GRM7: variants seen among roughly 807,000 people sequenced by gnomAD.
The protein encoded by GRM7 is glutamate metabotropic receptor 7, also known as metabotropic glutamate receptor 7.
A neutral mutation model predicts 84.5 loss-of-function variants in GRM7; 35 were observed. That is an observed-to-expected ratio of 0.41 (90% confidence interval 0.32 to 0.55). GRM7 has a LOEUF of 0.55. Ranked by LOEUF, GRM7 falls within the 20% of genes least tolerant of loss-of-function variation. The pLI is 0.19. For synonymous variants in GRM7, 487 were observed against 455.1 expected (o/e 1.07, Z -0.89); for missense variants, 1,003 against 1,194.6 (o/e 0.84, Z 2.36).
chr3:7,392,222 C>T (rs1000563021), intron 4 of GRM7, among the ~76,000 whole-genome samples: 3 of 152,208 alleles, frequency 2.0e-5, no homozygotes, highest in African/African-American at 7.2e-5. Flanking sequence ...TGAGCAATGA[C>T]ACTCACAGAC....
intron 7 of GRM7, among the ~76,000 whole-genome samples, chr3:7,514,022 T>A (rs1531940): frequency 0.093 from 14,138 of 152,280 alleles, 831 homozygotes; most frequent in South Asian, 0.12. Context: ...TTGAGTGACT[T>A]AATCTATTTC....
chr3:7,293,586 G>A (rs1043397568), intron 2 of GRM7, among the ~76,000 whole-genome samples: 3 of 152,108 alleles, frequency 2.0e-5, no homozygotes, highest in Non-Finnish European at 4.4e-5. Context: ...GAATTAATTT[G>A]GCAATTGCAA....
At chr3:7,460,128 A>AAAAAAAAC (rs1559338182) in intron 6 of GRM7, among the ~76,000 whole-genome samples, 4 of 134,100 alleles carry the variant, frequency 3.0e-5, no homozygotes, top group African/African-American at 7.8e-5. Flanking sequence ...AAAAAAAAAA[A>AAAAAAAAC]AGATGCCAAA....
At chr3:7,724,624 A>G (rs1041142694) in intron 9 of GRM7, among the ~76,000 whole-genome samples, 11 of 152,224 alleles carry the variant, frequency 7.2e-5, no homozygotes. Flanking sequence ...AGGTGAAAAT[A>G]CCAGCTGAAA....
At chr3:7,716,963 G>A (rs552940555) in intron 9 of GRM7, among the ~76,000 whole-genome samples, 1 of 152,186 alleles carries the variant, frequency 6.6e-6, no homozygotes, top group Non-Finnish European at 1.5e-5. Context: ...ACTTGATGAG[G>A]CAGGCTGAGT....
At chr3:7,728,836 AAGC>A (rs776967183) in intron 9 of GRM7, among the ~76,000 whole-genome samples, 3 of 152,230 alleles carry the variant, frequency 2.0e-5, no homozygotes, top group Non-Finnish European at 4.4e-5. Context: ...GTGTTGGTGA[AAGC>A]AGCGGCATCT....
chr3:7,169,757 G>A (rs1027735547), intron 2 of GRM7, among the ~76,000 whole-genome samples: 1 of 152,112 alleles, frequency 6.6e-6, no homozygotes, highest in Admixed American at 6.6e-5. Flanking sequence ...TTGATAAATA[G>A]GAGATAAATA....
chr3:7,072,111 G>A (rs1325505437), intron 1 of GRM7, among the ~76,000 whole-genome samples: 2 of 152,052 alleles, frequency 1.3e-5, no homozygotes, highest in Middle Eastern at 3.2e-3. Flanking sequence ...CCAGGTGACC[G>A]TAATATGCCC....
intron 4 of GRM7, among the ~76,000 whole-genome samples, chr3:7,359,982 A>G (rs1559264841): frequency 6.7e-6 from 1 of 148,616 alleles, no homozygotes; most frequent in East Asian, 1.9e-4. Flanking sequence ...TTTAGGAGAC[A>G]TAAGTTACCA....
intron 4 of GRM7, among the ~76,000 whole-genome samples, chr3:7,357,311 C>A (rs1693453520): frequency 6.6e-6 from 1 of 151,876 alleles, no homozygotes; most frequent in Non-Finnish European, 1.5e-5. Flanking sequence ...CTCCATGACA[C>A]CACTCTCTCT....
intron 1 of GRM7, among the ~76,000 whole-genome samples, chr3:6,896,448 A>C (rs751377667): frequency 1.3e-5 from 2 of 152,196 alleles, no homozygotes; most frequent in Non-Finnish European, 2.9e-5. Context: ...TCATGAATAG[A>C]TTTTGCTTGA....
chr3:7,578,746 C>T lies in GRM7; in HGVS notation c.1840C>T (p.Arg614Cys), dbSNP rs141874818. ...ATIFVMATFI[R>C]YNDTPIVRAS... ...CATCTTTGTCATGGCCACTTTCATC[C>T]GCTACAATGACACGCCCATTGTCCG... is the stretch of plus-strand genomic sequence containing the variant. The change falls in exon 8 of 10, where the codon CGC becomes TGC. Residue 614 changes from arginine (R) to cysteine (C), a missense_variant. Transcript: ENST00000357716. 4.0e-5 allele frequency: 65 copies of T among 1,613,890 alleles called. No individual in the cohort carries two copies. The highest frequency in any genetic ancestry group is 3.7e-4 in the African/African-American group (28 of 74,886).
At chr3:7,359,779 C>T (rs953279533) in intron 4 of GRM7, among the ~76,000 whole-genome samples, 2 of 148,232 alleles carry the variant, frequency 1.3e-5, no homozygotes, top group Non-Finnish European at 3.0e-5. Flanking sequence ...GTGCAGAAAA[C>T]GTTTGTGGAA....
intron 1 of GRM7, among the ~76,000 whole-genome samples, chr3:7,112,921 C>T (rs1433116153): frequency 2.0e-5 from 3 of 152,158 alleles, no homozygotes. Context: ...TCCCTTTCAG[C>T]AGCCTGTGAC....
rs1695109673 is a variant in GRM7, at chr3:7,579,071, G to T, written c.2165G>T (p.Gly722Val). Reference protein sequence around the residue: ...VQLLGVFIWFGVDPPNIIIDY... With the variant: ...VQLLGVFIWFVVDPPNIIIDY... ...CTTCTAGGGGTGTTCATTTGGTTTG[G>T]TGTTGATCCACCCAACATCATCATA... The change falls in exon 8 of 10, where the codon GGT (glycine) becomes GTT (valine). Residue 722 changes from glycine to valine, a missense_variant. By Grantham distance (109) the Gly-to-Val change is moderately radical. This residue lies in a region of GRM7 where 910 missense variants were observed against 1,126.0 expected (regional missense o/e 0.81). Coordinates refer to ENST00000357716, the MANE Select transcript of GRM7 (RefSeq NM_000844.4). The T allele has an allele frequency of 2.5e-6, 4 of 1,613,962 alleles. No homozygotes were observed. Among genetic ancestry groups the T allele is most frequent in the African/African-American group, 1.3e-5 (1 of 74,880 alleles).
rs111359343 is a variant in GRM7 at position 7,577,830 on chromosome 3, G to A, written c.1516-592G>A. ...CCTGTGATAGTAGATTCACATTGCT[G>A]CAAAAGTTCTCAGTGAAAATGACAG... On this transcript the variant is annotated intron_variant, in intron 7 of 9. Transcript: ENST00000357716. 9.9e-3 allele frequency among the ~76,000 whole-genome samples: 1,513 copies of A among 152,252 alleles called. 9 individuals are homozygous for A. Among genetic ancestry groups the A allele is most frequent in the Middle Eastern group, 0.02 (6 of 294 alleles).
At chr3:7,045,733 A>C (rs549468825) in intron 1 of GRM7, among the ~76,000 whole-genome samples, 1 of 152,276 alleles carries the variant, frequency 6.6e-6, no homozygotes, top group African/African-American at 2.4e-5. Flanking sequence ...TTTAAGGTTG[A>C]ATAATATTCC....
At chr3:6,927,814 G>T (rs934435657) in intron 1 of GRM7, among the ~76,000 whole-genome samples, 1 of 152,076 alleles carries the variant, frequency 6.6e-6, no homozygotes, top group Admixed American at 6.6e-5. Flanking sequence ...GTAAGTTGCT[G>T]AATATTCCAA....
At chr3:7,063,187 C>A (rs1161235811) in intron 1 of GRM7, among the ~76,000 whole-genome samples, 1 of 151,762 alleles carries the variant, frequency 6.6e-6, no homozygotes, top group African/African-American at 2.4e-5. Context: ...ACAGCCCTCT[C>A]CCGCCCAAAC....
Sources: allele counts gnomAD v4.1 joint callset (sites outside exome capture counted in the v4.1 genomes callset), GRCh38; gene constraint gnomAD v4.1.1; regional missense constraint gnomAD v4.1.1; transcripts MANE v1.5; gene names NCBI Gene and HGNC (gene_info 2026-07-23, HGNC 2026-07-21).